The following C16orf89 variants were observed in gnomAD, a reference collection of about 807,000 sequenced individuals.
The protein encoded by C16orf89 is chromosome 16 open reading frame 89.
A neutral mutation model predicts 41.5 loss-of-function variants in C16orf89; 57 were observed. The observed-to-expected ratio is 1.38, with a 90% CI of 1.11 to 1.71. The LOEUF is 1.71. C16orf89 is among the 40% of genes most tolerant of loss of function. The pLI, the probability that C16orf89 is intolerant of heterozygous loss-of-function variation, is 0.00. For missense variants in C16orf89, 575 were observed against 445.9 expected, an observed-to-expected ratio of 1.29 and a Z score of -2.61; for synonymous variants, 223 against 190.6, an observed-to-expected ratio of 1.17 and a Z score of -1.40.
At position 5,057,231 on chromosome 16, in the gene C16orf89, C is replaced by T. The variant is rs578198207; in HGVS notation, c.628-1043G>A. On this transcript the variant is annotated intron_variant, in intron 4 of 7. Transcript: ENST00000472572. ...CAGCCTGGGCAACAGAGTGAGACTC[C>T]ATCTCAAAAAAAAAAAAAGAAGGAA... Among the ~76,000 whole-genome samples, 157 of 133,718 alleles carry T rather than the reference C, an allele frequency of 1.2e-3. 2 individuals carry two copies. In the East Asian group the frequency reaches 0.025, roughly 22 times the overall value. The allele number at this position is 133,718 out of a possible 152,430, so 87.7% of individuals were successfully genotyped here. A position where few individuals can be genotyped will look rare whatever the true frequency, so the allele number is the denominator to read the frequency against.
At chr16:5,062,235 T>C (rs1862830725) in intron 2 of C16orf89, among the ~76,000 whole-genome samples, 190 bp downstream of exon 2, 1 of 152,144 alleles carries the variant, frequency 6.6e-6, no homozygotes, top group Non-Finnish European at 1.5e-5. Flanking sequence ...GGAGAGCCCG[T>C]CAGAGTCTGA....
At chr16:5,059,796 A>T (rs917476217) in intron 3 of C16orf89, among the ~76,000 whole-genome samples, 3 of 152,068 alleles carry the variant, frequency 2.0e-5, no homozygotes, top group Admixed American at 6.5e-5. Context: ...AGGTGCCAGG[A>T]GAGGCCCTCA....
At chr16:5,056,243 A>C in intron 4 of C16orf89, 55 bp from the exon 5 acceptor site, 3 of 1,504,162 alleles carry the variant, frequency 2.0e-6, no homozygotes, top group Non-Finnish European at 2.7e-6. Flanking sequence ...TGACAGACAC[A>C]CGCCCTGCTA....
At chr16:5,054,763 C>T (rs1262444455) in intron 6 of C16orf89, among the ~76,000 whole-genome samples, 5 of 152,140 alleles carry the variant, frequency 3.3e-5, no homozygotes, top group African/African-American at 9.7e-5. Context: ...ACCGTTCTCA[C>T]GGTAATGAAT....
At chr16:5,063,168 TGA>T (rs1956663862) in intron 1 of C16orf89, among the ~76,000 whole-genome samples, 1 of 151,488 alleles carries the variant, frequency 6.6e-6, no homozygotes, top group African/African-American at 2.4e-5. Flanking sequence ...AACATCCGAG[TGA>T]GAGCATTCAC....
At chr16:5,051,245 A>G (rs1956390391) in intron 6 of C16orf89, among the ~76,000 whole-genome samples, 1 of 152,222 alleles carries the variant, frequency 6.6e-6, no homozygotes, top group Non-Finnish European at 1.5e-5. Context: ...CCAAATGAAA[A>G]AGGAGGAAGT....
intron 1 of C16orf89, among the ~76,000 whole-genome samples, 186 bp downstream of exon 1, chr16:5,065,515 G>T (rs1596710645): frequency 6.6e-6 from 1 of 152,144 alleles, no homozygotes; most frequent in Non-Finnish European, 1.5e-5. Flanking sequence ...CTAAAAAATT[G>T]CGTAACAGTT....
At chr16:5,056,568 A>G (rs1160932021) in intron 4 of C16orf89, among the ~76,000 whole-genome samples, 1 of 152,118 alleles carries the variant, frequency 6.6e-6, no homozygotes, top group Non-Finnish European at 1.5e-5. Flanking sequence ...TCTGTGACCG[A>G]TCGCGGGGGC....
Position 5,055,384 on chromosome 16 carries a change from G to GC in C16orf89, c.764-35dup, listed in dbSNP as rs566069097. On this transcript the variant is annotated intron_variant, in intron 5 of 7. Coordinates refer to ENST00000472572, the MANE Select transcript of C16orf89 (RefSeq NM_001098514.3). The stretch of plus-strand genomic sequence containing the variant: ...AAAGACGGGGGCCCTCTGCAGGCCT[G>GC]CCCCCCAGGCCCACCTCCTCCCACT... 1,147 of 1,518,478 alleles carry GC rather than the reference G, an allele frequency of 7.6e-4. 1 individual carries two copies. Among genetic ancestry groups the GC allele is most frequent in the Middle Eastern group, 1.0e-3 (6 of 5,722 alleles). 94.1% of individuals were successfully genotyped at this position (1,518,478 alleles called of 1,614,324 possible).
intron 6 of C16orf89, among the ~76,000 whole-genome samples, chr16:5,050,731 A>C (rs1956380710): frequency 6.6e-6 from 1 of 152,180 alleles, no homozygotes; most frequent in Admixed American, 6.5e-5. Flanking sequence ...TAGATGCAAA[A>C]ATCCTTAACA....
chr16:5,053,303 G>C (rs1190831697), intron 6 of C16orf89, among the ~76,000 whole-genome samples: 3 of 152,002 alleles, frequency 2.0e-5, no homozygotes, highest in Admixed American at 2.0e-4. Context: ...CTGGGAGGCG[G>C]AGGTTGCATT....
At position 5,065,817 on chromosome 16, in the gene C16orf89, C is replaced by T. The variant is rs1267509917; in HGVS notation, c.92G>A (p.Ser31Asn). Residue 31 changes from serine (S) to asparagine (N), a missense_variant, in exon 1 of 8, where the codon AGT becomes AAT. Physicochemically the swap from Ser to Asn is conservative, Grantham distance 46 (BLOSUM62 1). Coordinates refer to ENST00000472572, the MANE Select transcript of C16orf89 (RefSeq NM_001098514.3). The part of the protein sequence containing the change: ...SSLPGLDTAE[S>N]KATIADLILS... Reference sequence around the variant, plus strand: ...GATCAGGTCTGCAATGGTGGCTTTACTTTCAGCAGTGTCCAGCCCAGGCAG... The same window carrying T: ...GATCAGGTCTGCAATGGTGGCTTTATTTTCAGCAGTGTCCAGCCCAGGCAG... 1 of 1,614,216 alleles carries T rather than the reference C, an allele frequency of 6.2e-7. No individual in the cohort carries two copies. The highest frequency in any genetic ancestry group is 8.5e-7 in the Non-Finnish European group (1 of 1,180,018).
chr16:5,060,100 G>T (rs1047529171), intron 3 of C16orf89, 186 bp downstream of exon 3: 6 of 596,034 alleles, frequency 1.0e-5, no homozygotes, highest in African/African-American at 9.3e-5. Flanking sequence ...GCCAGCGGGC[G>T]GCTGGAGCAA....
At chr16:5,064,138 T>TATA (rs999565389) in intron 1 of C16orf89, among the ~76,000 whole-genome samples, 4 of 151,376 alleles carry the variant, frequency 2.6e-5, no homozygotes, top group Admixed American at 6.6e-5. Context: ...ATAATAATAA[T>TATA]ATAATAATAA....
intron 7 of C16orf89, among the ~76,000 whole-genome samples, chr16:5,047,400 C>G (rs190574837): frequency 6.6e-6 from 1 of 152,250 alleles, no homozygotes; most frequent in East Asian, 1.9e-4. Flanking sequence ...CTATTTTTAA[C>G]AACTGAAACT....
At chr16:5,060,151 C>G in intron 3 of C16orf89, 135 bp downstream of exon 3, 1 of 1,110,772 alleles carries the variant, frequency 9.0e-7, no homozygotes, top group Non-Finnish European at 1.2e-6. Context: ...TACCCGGCAG[C>G]TACAGGGAGC....
At chr16:5,052,211 C>T (rs947157151) in intron 6 of C16orf89, among the ~76,000 whole-genome samples, 9 of 152,024 alleles carry the variant, frequency 5.9e-5, no homozygotes, top group African/African-American at 1.9e-4. Context: ...ATGAAAAACG[C>T]TCACTATCCC....
chr16:5,044,893 C>G, intron 7 of C16orf89: 1 of 1,250,824 alleles, frequency 8.0e-7, no homozygotes, highest in Non-Finnish European at 1.0e-6. Flanking sequence ...ACTTGCAAGA[C>G]GCTGAGTGGG....
chr16:5,055,319 G>T lies in C16orf89; in HGVS notation c.795C>A (p.Asp265Glu). The T allele has an allele frequency of 6.2e-7, 1 of 1,613,252 alleles. No individual in the cohort carries two copies. The highest frequency in any genetic ancestry group is 8.5e-7 in the Non-Finnish European group (1 of 1,179,588). The part of the protein sequence containing the change: ...IMFCGMGGFS[D>E]FYKLRWLEAI... The stretch of plus-strand genomic sequence containing the variant: ...CCTCCAGCCACCGGAGCTTGTAGAA[G>T]TCGGAGAAGCCGCCCATTCCACAGA... Residue 265 changes from aspartate to glutamate, a missense_variant, in exon 6 of 8, where the codon GAC becomes GAA. Coordinates refer to ENST00000472572, the MANE Select transcript of C16orf89 (RefSeq NM_001098514.3).
Sources: allele counts gnomAD v4.1 joint callset (sites outside exome capture counted in the v4.1 genomes callset), GRCh38; gene constraint gnomAD v4.1.1; transcripts MANE v1.5; gene names NCBI Gene and HGNC (gene_info 2026-07-23, HGNC 2026-07-21).